Variants in OPCML observed in about 807,000 individuals in gnomAD.
OPCML encodes opioid-binding protein/cell adhesion molecule.
A neutral mutation model predicts 37.8 loss-of-function variants in OPCML; 13 were observed. The observed-to-expected ratio is 0.34, with a 90% CI of 0.22 to 0.55. OPCML has a LOEUF of 0.55. Among genes scored for constraint, OPCML ranks in the 20% least tolerant of loss-of-function variants. The pLI, the probability that OPCML is intolerant of heterozygous loss-of-function variation, is 0.91. For missense variants in OPCML, 341 were observed against 435.6 expected, an observed-to-expected ratio of 0.78 and a Z score of 1.93; for synonymous variants, 176 against 168.8, an observed-to-expected ratio of 1.04 and a Z score of -0.33.
chr11:133,053,978 G>T (rs992837165), intron 1 of OPCML, among the ~76,000 whole-genome samples: 1 of 152,140 alleles, frequency 6.6e-6, no homozygotes, highest in African/African-American at 2.4e-5. Flanking sequence ...TCCCTTTCAT[G>T]GGGTCTCAAT....
intron 4 of OPCML, among the ~76,000 whole-genome samples, chr11:132,448,765 G>T (rs533828135): frequency 6.6e-6 from 1 of 152,290 alleles, no homozygotes; most frequent in South Asian, 2.1e-4. Flanking sequence ...ACTCAAGGAG[G>T]AAACCACTGA....
intron 1 of OPCML, among the ~76,000 whole-genome samples, chr11:133,194,939 A>G (rs1272587993): frequency 6.6e-6 from 1 of 152,058 alleles, no homozygotes; most frequent in Non-Finnish European, 1.5e-5. Context: ...TCGGATGTCA[A>G]CTCCTTCACG....
At chr11:133,100,253 A>C (rs1013116664) in intron 1 of OPCML, among the ~76,000 whole-genome samples, 1 of 152,122 alleles carries the variant, frequency 6.6e-6, no homozygotes, top group African/African-American at 2.4e-5. Flanking sequence ...TAATTTGTAC[A>C]CCAAGCCCCA....
intron 2 of OPCML, among the ~76,000 whole-genome samples, chr11:132,710,659 C>T (rs369935306): frequency 6.7e-6 from 1 of 149,150 alleles, no homozygotes; most frequent in African/African-American, 2.5e-5. Flanking sequence ...TTGAGACCAG[C>T]TTGGCCAACA....
At chr11:133,070,844 CTG>C (rs1948521527) in intron 1 of OPCML, among the ~76,000 whole-genome samples, 1 of 152,176 alleles carries the variant, frequency 6.6e-6, no homozygotes, top group Admixed American at 6.5e-5. Context: ...TCCTCGGACT[CTG>C]TCAGGACCAC....
intron 2 of OPCML, among the ~76,000 whole-genome samples, chr11:132,725,911 T>A (rs1944864321): frequency 6.6e-6 from 1 of 152,088 alleles, no homozygotes; most frequent in Admixed American, 6.5e-5. Context: ...ATAACAAGAG[T>A]TACCTTTGCT....
At chr11:132,990,471 A>G (rs1244696718) in intron 1 of OPCML, among the ~76,000 whole-genome samples, 1 of 152,204 alleles carries the variant, frequency 6.6e-6, no homozygotes, top group East Asian at 1.9e-4. Flanking sequence ...TGGCTGTCCA[A>G]CTGATTTTCA....
chr11:133,085,211 G>T (rs1948801173), intron 1 of OPCML, among the ~76,000 whole-genome samples: 2 of 152,198 alleles, frequency 1.3e-5, no homozygotes, highest in African/African-American at 4.8e-5. Context: ...TGCCTACTAT[G>T]TGCCAGACAT....
intron 1 of OPCML, among the ~76,000 whole-genome samples, chr11:133,511,053 T>C (rs959546171): frequency 1.3e-5 from 2 of 152,148 alleles, no homozygotes; most frequent in Non-Finnish European, 2.9e-5. Flanking sequence ...TTGCGATTGG[T>C]GTCAACTTTA....
intron 1 of OPCML, among the ~76,000 whole-genome samples, chr11:133,349,002 G>T (rs757282852): frequency 1.3e-5 from 2 of 152,158 alleles, no homozygotes; most frequent in Non-Finnish European, 2.9e-5. Context: ...GGGTGCGGGG[G>T]CTTCGTCATG....
intron 1 of OPCML, among the ~76,000 whole-genome samples, chr11:133,011,243 G>A (rs1565396449): frequency 6.6e-6 from 1 of 152,188 alleles, no homozygotes; most frequent in Non-Finnish European, 1.5e-5. Flanking sequence ...GTGGCAGCAT[G>A]ACTCTTGAGA....
chr11:132,948,101 T>C (rs1177981695), intron 1 of OPCML, among the ~76,000 whole-genome samples: 2 of 152,176 alleles, frequency 1.3e-5, no homozygotes, highest in Non-Finnish European at 2.9e-5. Context: ...ATCCCACCTA[T>C]GTTATAGGGT....
intron 1 of OPCML, among the ~76,000 whole-genome samples, chr11:133,346,743 CTTGT>C (rs1393893105): frequency 6.6e-6 from 1 of 152,202 alleles, no homozygotes; most frequent in Admixed American, 6.5e-5. Flanking sequence ...CGTTTTACCA[CTTGT>C]TTGATTAATT....
chr11:132,696,283 G>A lies in OPCML; in HGVS notation c.147-38964C>T, dbSNP rs76737637. On this transcript the variant is annotated intron_variant, in intron 2 of 7. Coordinates refer to ENST00000524381, the MANE Select transcript of OPCML (RefSeq NM_001012393.5). ...ATGGGAGAAACTCAGTAGGAAGAAG[G>A]ATCTACATTTACAACATCACAGAAA... 8.1e-3 allele frequency among the ~76,000 whole-genome samples: 1,236 copies of A among 152,126 alleles called. 41 individuals are homozygous for A. The East Asian group carries it at 0.089, about 11-fold the overall frequency.
intron 2 of OPCML, among the ~76,000 whole-genome samples, chr11:132,675,745 A>T (rs138785029): frequency 0.016 from 2,459 of 152,304 alleles, 39 homozygotes; most frequent in Middle Eastern, 0.034. Context: ...AAGAATTACA[A>T]AGCTTATGCT....
intron 1 of OPCML, among the ~76,000 whole-genome samples, chr11:133,498,308 G>C (rs1220202853): frequency 1.3e-5 from 2 of 152,174 alleles, no homozygotes; most frequent in Non-Finnish European, 2.9e-5. Context: ...TTCTACCTTT[G>C]CTGGGTCAAG....
chr11:133,312,715 C>T (rs1410115653), intron 1 of OPCML, among the ~76,000 whole-genome samples: 1 of 152,174 alleles, frequency 6.6e-6, no homozygotes, highest in African/African-American at 2.4e-5. Context: ...GGGTTCACCA[C>T]CTGCTTAGCT....
intron 1 of OPCML, among the ~76,000 whole-genome samples, chr11:133,063,239 C>T (rs923630334): frequency 6.6e-5 from 10 of 152,292 alleles, no homozygotes; most frequent in South Asian, 2.1e-4. Flanking sequence ...CATACAACGG[C>T]GGAGAGAAGC....
At chr11:132,560,954 A>G (rs1387325480) in intron 3 of OPCML, among the ~76,000 whole-genome samples, 1 of 151,992 alleles carries the variant, frequency 6.6e-6, no homozygotes, top group African/African-American at 2.4e-5. Flanking sequence ...TTTTTGTTGC[A>G]TTTGCCTTTG....
Sources: gnomAD v4.1 joint callset for allele counts (sites outside exome capture counted in the v4.1 genomes callset) on GRCh38, gnomAD v4.1.1 for gene constraint, MANE v1.5 for transcripts, NCBI Gene and HGNC (gene_info 2026-07-23, HGNC 2026-07-21) for gene names.